Variants in ANGEL1 observed in about 807,000 individuals in gnomAD.
ANGEL1 encodes the protein angel homolog 1.
A neutral mutation model predicts 76.4 loss-of-function variants in ANGEL1; 62 were observed. The observed-to-expected ratio is 0.81, with a 90% CI of 0.66 to 1.00. ANGEL1 has a LOEUF of 1.00. Among genes scored for constraint, ANGEL1 ranks in the 50% least tolerant of loss-of-function variants. The probability of loss-of-function intolerance (pLI) is 0.00; values close to 1 mark genes in which losing one functional copy is unlikely to be tolerated. For missense variants in ANGEL1, 737 were observed against 836.7 expected, an observed-to-expected ratio of 0.88 and a Z score of 1.47; for synonymous variants, 340 against 331.7, an observed-to-expected ratio of 1.03 and a Z score of -0.27.
chr14:76,812,489 G>C, intron 1 of ANGEL1: 1 of 1,220,950 alleles, frequency 8.2e-7, no homozygotes, highest in Non-Finnish European at 1.0e-6. Context: ...GGCCCTGCCC[G>C]TCCACAGCTC....
intron 7 of ANGEL1, among the ~76,000 whole-genome samples, chr14:76,795,089 T>A (rs1894537843): frequency 6.6e-6 from 1 of 152,204 alleles, no homozygotes; most frequent in Non-Finnish European, 1.5e-5. Context: ...GGAATGCTAT[T>A]AGAGTTTTTT....
At chr14:76,797,448 A>C (rs1894614995) in intron 7 of ANGEL1, among the ~76,000 whole-genome samples, 1 of 152,140 alleles carries the variant, frequency 6.6e-6, no homozygotes, top group African/African-American at 2.4e-5. Flanking sequence ...AGACTACAAA[A>C]AATTAGCTGG....
chr14:76,793,407 TAAAAGGAAAGAGGAG>T (rs1894473980), intron 7 of ANGEL1, among the ~76,000 whole-genome samples: 1 of 2,288 alleles, frequency 4.4e-4, no homozygotes, highest in Non-Finnish European at 8.7e-4. Flanking sequence ...GGAGAGGGGA[TAAAAGGAAAGAGGAG>T]AGGGGAGGAG....
intron 7 of ANGEL1, among the ~76,000 whole-genome samples, chr14:76,794,148 G>T (rs918225215): frequency 5.9e-5 from 9 of 152,168 alleles, no homozygotes; most frequent in African/African-American, 2.2e-4. Context: ...TAAATGGAAA[G>T]TGACTCATGG....
intron 7 of ANGEL1, among the ~76,000 whole-genome samples, chr14:76,801,302 G>T (rs2140221548): frequency 6.6e-6 from 1 of 151,994 alleles, no homozygotes; most frequent in Non-Finnish European, 1.5e-5. Flanking sequence ...TGTAGAGACG[G>T]TGTCTCACTT....
Position 76,789,397 on chromosome 14 carries a change from CA to C in ANGEL1, c.1853-10del. The C allele has an allele frequency of 6.2e-7, 1 of 1,613,892 alleles. No homozygotes were observed. Among genetic ancestry groups the C allele is most frequent in the African/African-American group, 1.3e-5 (1 of 75,052 alleles). ...TCGATACAGCCTGTGATCTGGGGCA[CA>C]AAGCAGAAGCCAATGGGTAAAAGCA... On this transcript the variant is annotated splice_polypyrimidine_tract_variant and intron_variant, in intron 9 of 9. Coordinates refer to ENST00000251089, the MANE Select transcript of ANGEL1 (RefSeq NM_015305.4).
chr14:76,803,690 A>G, intron 6 of ANGEL1, 96 bp downstream of exon 6: 9 of 1,504,636 alleles, frequency 6.0e-6, no homozygotes, highest in Non-Finnish European at 8.0e-6. Flanking sequence ...TGCTAAGAGA[A>G]ATGAGGGATT....
At chr14:76,790,515 TC>T in intron 9 of ANGEL1, 95 bp downstream of exon 9, 1 of 1,516,364 alleles carries the variant, frequency 6.6e-7, no homozygotes, top group Non-Finnish European at 8.8e-7. Flanking sequence ...GCTGGTTAAA[TC>T]CCAGCAGCTG....
At chr14:76,807,084 A>G (rs1894942134) in intron 4 of ANGEL1, among the ~76,000 whole-genome samples, 1 of 152,234 alleles carries the variant, frequency 6.6e-6, no homozygotes, top group Non-Finnish European at 1.5e-5. Context: ...GATAGAAAAG[A>G]GCACAGAATC....
rs559100078 is a variant in ANGEL1 at position 76,804,218 on chromosome 14, T to C, written c.1381-306A>G. 2.1e-6 allele frequency: 3 copies of C among 1,401,396 alleles called. No homozygotes were observed. The East Asian group carries it at 8.0e-5, about 37-fold the overall frequency. 86.8% of individuals were successfully genotyped at this position (1,401,396 alleles called of 1,614,324 possible). On this transcript the variant is annotated intron_variant, in intron 5 of 9. Coordinates refer to ENST00000251089, the MANE Select transcript of ANGEL1 (RefSeq NM_015305.4). ...TACCTCTGAAAAATCAATACAATTC[T>C]CCTCCACAGGGAATATCAACTCTCA... is the stretch of plus-strand genomic sequence containing the variant.
rs1221196029 is a variant in ANGEL1 at position 76,789,208 on chromosome 14, C to T, written c.*20G>A. ...AGTGAGCTCTTCTGGAAGAGAAGCT[C>T]TCTTCCCCTGGGAGCCCTGTCATGG... is the stretch of plus-strand genomic sequence containing the variant. On this transcript the variant is annotated 3_prime_UTR_variant, in exon 10 of 10. Coordinates refer to ENST00000251089, the MANE Select transcript of ANGEL1 (RefSeq NM_015305.4). 5.0e-6 allele frequency: 8 copies of T among 1,613,506 alleles called. No individual in the cohort carries two copies. The highest frequency in any genetic ancestry group is 6.8e-6 in the Non-Finnish European group (8 of 1,179,808).
chr14:76,812,115 C>T (rs985743050), intron 1 of ANGEL1, among the ~76,000 whole-genome samples: 2 of 152,188 alleles, frequency 1.3e-5, no homozygotes, highest in Non-Finnish European at 2.9e-5. Context: ...AATAAACACC[C>T]CCTCTTTGAG....
chr14:76,801,111 TC>T (rs1894750087), intron 7 of ANGEL1, among the ~76,000 whole-genome samples: 1 of 148,338 alleles, frequency 6.7e-6, no homozygotes, highest in South Asian at 2.1e-4. Context: ...TTCTCCTACA[TC>T]TTTTTTTTTT....
intron 7 of ANGEL1, among the ~76,000 whole-genome samples, chr14:76,795,824 G>A (rs191462787): frequency 6.6e-6 from 1 of 152,280 alleles, no homozygotes; most frequent in East Asian, 1.9e-4. Context: ...GCTGCATCTG[G>A]ATGCTTGTTC....
intron 7 of ANGEL1, among the ~76,000 whole-genome samples, chr14:76,798,292 T>C (rs2140217237): frequency 6.6e-6 from 1 of 152,236 alleles, no homozygotes. Context: ...GCCCAGCTAA[T>C]CTTTTTGAAT....
intron 6 of ANGEL1, 97 bp from the exon 7 acceptor site, chr14:76,803,578 A>G: frequency 7.3e-7 from 1 of 1,378,118 alleles, no homozygotes. Flanking sequence ...AGGTACACAG[A>G]GGAAGCATTC....
In ANGEL1 at chr14:76,788,360, C is replaced by T. The variant is rs1265585425; in HGVS notation, c.*868G>A. On this transcript the variant is annotated 3_prime_UTR_variant, in exon 10 of 10. Transcript: ENST00000251089. ...TCCTTAAATAGTTTTAAACCTCATACCACTACCCTAGCCCAATGAACCCCA... is the reference window on the plus strand; with the variant it reads ...TCCTTAAATAGTTTTAAACCTCATATCACTACCCTAGCCCAATGAACCCCA... 1.3e-5 allele frequency: 2 copies of T among 152,236 alleles called. No individual in the cohort carries two copies. Among genetic ancestry groups the T allele is most frequent in the African/African-American group, 4.8e-5 (2 of 41,446 alleles). The allele number at this position is 152,236 out of a possible 1,614,324, so 9.4% of individuals were successfully genotyped here.
rs529386606 is a variant in ANGEL1 at position 76,787,013 on chromosome 14, G to A, written c.*2215C>T. On this transcript the variant is annotated 3_prime_UTR_variant, in exon 10 of 10. Coordinates refer to ENST00000251089, the MANE Select transcript of ANGEL1 (RefSeq NM_015305.4). ...CAGAAGAAAGCTGTACCCCAGCAGTGTCAAGGCAGGAGGCTTCACTCAAGC... is the reference window on the plus strand; with the variant it reads ...CAGAAGAAAGCTGTACCCCAGCAGTATCAAGGCAGGAGGCTTCACTCAAGC... 1 of 152,360 alleles carries A rather than the reference G, an allele frequency of 6.6e-6. No individual in the cohort carries two copies. The highest frequency in any genetic ancestry group is 6.5e-5 in the Admixed American group (1 of 15,312). The allele number at this position is 152,360 out of a possible 1,614,324, so 9.4% of individuals were successfully genotyped here.
intron 8 of ANGEL1, among the ~76,000 whole-genome samples, chr14:76,791,094 C>A (rs140565256): frequency 6.6e-6 from 1 of 152,308 alleles, no homozygotes; most frequent in East Asian, 1.9e-4. Context: ...AGTACATAGC[C>A]TTTTCACCTG....
Sources: allele counts gnomAD v4.1 joint callset (sites outside exome capture counted in the v4.1 genomes callset), GRCh38; gene constraint gnomAD v4.1.1; transcripts MANE v1.5; gene names NCBI Gene and HGNC (gene_info 2026-07-23, HGNC 2026-07-21).